Variants in VPS36 observed in about 807,000 individuals in gnomAD.
VPS36 encodes the protein vacuolar protein sorting 36 homolog.
Under a neutral mutation model 63.5 loss-of-function variants are expected in VPS36, and 31 were observed. The ratio of observed to expected loss-of-function variants is 0.49; its 90% CI spans 0.37 to 0.66. The LOEUF is 0.66. VPS36 is among the 30% of genes least tolerant of loss of function. The pLI, the probability that VPS36 is intolerant of heterozygous loss-of-function variation, is 0.00. For synonymous variants in VPS36, 138 were observed against 157.2 expected (o/e 0.88, Z 0.91); for missense variants, 338 against 463.7 (o/e 0.73, Z 2.49).
chr13:52,437,421 T>C (rs1958230183), intron 3 of VPS36, among the ~76,000 whole-genome samples: 1 of 151,948 alleles, frequency 6.6e-6, no homozygotes, highest in African/African-American at 2.4e-5. Context: ...CTATGACAAT[T>C]AAGATAACTA....
At chr13:52,416,577 C>T in intron 12 of VPS36, among the ~76,000 whole-genome samples, 1 of 152,126 alleles carries the variant, frequency 6.6e-6, no homozygotes, top group Non-Finnish European at 1.5e-5. Context: ...GCTATGAAGA[C>T]AGTACTATTT....
intron 2 of VPS36, among the ~76,000 whole-genome samples, 182 bp from the exon 3 acceptor site, chr13:52,439,350 G>A (rs1378179161): frequency 6.6e-6 from 1 of 152,138 alleles, no homozygotes; most frequent in Non-Finnish European, 1.5e-5. Flanking sequence ...GTAATGTGGT[G>A]GCATTTGGCT....
At chr13:52,439,765 A>G (rs1958256003) in intron 2 of VPS36, among the ~76,000 whole-genome samples, 1 of 151,966 alleles carries the variant, frequency 6.6e-6, no homozygotes. Context: ...GCATTTTCTA[A>G]GAGTAATATT....
Position 52,423,595 on chromosome 13 carries a change from T to C in VPS36, c.819A>G (p.Val273=). 1 of 1,612,408 alleles carries C rather than the reference T, an allele frequency of 6.2e-7. No homozygotes were observed. The highest frequency in any genetic ancestry group is 1.1e-5 in the South Asian group (1 of 90,846). ...TTACTTCCATTCCTCGAGCTCGGTT[T>C]ACTAAGCAGTACACCTCCGTGAGTG... The part of the protein sequence containing the change: ...IMSLTEVYCL[V]NRARGMELLS... Residue 273 remains valine (V), a synonymous_variant, in exon 10 of 14, where the codon GTA becomes GTG. Transcript: ENST00000378060.
chr13:52,437,701 C>T (rs1324643000), intron 3 of VPS36, among the ~76,000 whole-genome samples: 3 of 152,030 alleles, frequency 2.0e-5, no homozygotes, highest in South Asian at 2.1e-4. Context: ...GAGGCTGAGG[C>T]GGGTGGATCA....
intron 10 of VPS36, among the ~76,000 whole-genome samples, chr13:52,418,297 C>T (rs1263228869): frequency 6.6e-6 from 1 of 151,708 alleles, no homozygotes; most frequent in Non-Finnish European, 1.5e-5. Context: ...TAAAAAGAGG[C>T]CATGCACAGT....
At position 52,416,110 on chromosome 13, in the gene VPS36, G is replaced by C. The variant is rs1171237548; in HGVS notation, c.991-17C>G. 6.2e-7 allele frequency: 1 copy of C among 1,605,034 alleles called. No individual in the cohort carries two copies. The highest frequency in any genetic ancestry group is 1.1e-5 in the South Asian group (1 of 88,906). On this transcript the variant is annotated splice_polypyrimidine_tract_variant and intron_variant, in intron 12 of 13. Transcript: ENST00000378060. ...TTCTGAAACCTAATAGAAACACACA[G>C]CAGAAAAAAAATGTAATTAATTTAG...
At chr13:52,449,651 G>T (rs1958379105) in intron 1 of VPS36, among the ~76,000 whole-genome samples, 1 of 152,188 alleles carries the variant, frequency 6.6e-6, no homozygotes. Context: ...GTGGGTAAAT[G>T]AGTTTTAAAA....
At chr13:52,441,416 T>G (rs550098816) in intron 2 of VPS36, among the ~76,000 whole-genome samples, 3 of 152,184 alleles carry the variant, frequency 2.0e-5, no homozygotes, top group Non-Finnish European at 4.4e-5. Context: ...AATAAAGATA[T>G]CAGCTCTATA....
At chr13:52,433,055 A>G (rs1958176307) in intron 6 of VPS36, among the ~76,000 whole-genome samples, 1 of 152,210 alleles carries the variant, frequency 6.6e-6, no homozygotes. Context: ...AAAACCAGTG[A>G]TATGTTTAGC....
intron 12 of VPS36, among the ~76,000 whole-genome samples, chr13:52,416,735 T>C (rs1310968384): frequency 6.6e-6 from 1 of 152,194 alleles, no homozygotes; most frequent in Non-Finnish European, 1.5e-5. Flanking sequence ...GAAGACAAAG[T>C]TTAATTGTGT....
intron 1 of VPS36, among the ~76,000 whole-genome samples, chr13:52,446,948 T>C: frequency 6.6e-6 from 1 of 151,036 alleles, no homozygotes; most frequent in Non-Finnish European, 1.5e-5. Flanking sequence ...CGATCTGGGC[T>C]CACAGCAACC....
rs1252495042 is a variant in VPS36, at chr13:52,415,593, G to T, written c.*237C>A. ...CTATATTCCAAGTTAAACTCTGAGG[G>T]TTCTGCACTATAGCATGATTTTAAA... On this transcript the variant is annotated 3_prime_UTR_variant, in exon 14 of 14. Coordinates refer to ENST00000378060, the MANE Select transcript of VPS36 (RefSeq NM_016075.4). 2 of 425,202 alleles carry T rather than the reference G, an allele frequency of 4.7e-6. No homozygotes were observed. The highest frequency in any genetic ancestry group is 8.5e-6 in the Non-Finnish European group (2 of 236,134). 26.3% of individuals were successfully genotyped at this position (425,202 alleles called of 1,614,324 possible).
intron 6 of VPS36, among the ~76,000 whole-genome samples, chr13:52,430,124 A>G (rs1280082676): frequency 6.6e-6 from 1 of 152,230 alleles, no homozygotes; most frequent in Non-Finnish European, 1.5e-5. Flanking sequence ...AATAAAAGAA[A>G]AAAATCATTT....
At chr13:52,425,035 C>T (rs754019001) in intron 9 of VPS36, among the ~76,000 whole-genome samples, 10 of 148,834 alleles carry the variant, frequency 6.7e-5, no homozygotes, top group South Asian at 4.2e-4. Flanking sequence ...CCGAGGCGGG[C>T]GGATCATGAG....
chr13:52,430,845 A>G (rs1473594183), intron 6 of VPS36, among the ~76,000 whole-genome samples: 2 of 152,056 alleles, frequency 1.3e-5, no homozygotes. Flanking sequence ...TTTAAGGGGA[A>G]AAAATAAAAT....
rs901005989 is a variant in VPS36 at position 52,424,849 on chromosome 13, G to A, written c.774+1083C>T. Among the ~76,000 whole-genome samples the A allele has an allele frequency of 2.6e-5, 4 of 152,108 alleles. No homozygotes were observed. The East Asian group carries it at 5.8e-4, about 22-fold the overall frequency. On this transcript the variant is annotated intron_variant, in intron 9 of 13. Transcript: ENST00000378060. ...GAAAATACAAAACAATTAGCTGGGC[G>A]TGGTGGTGGGCGCCTGTAATCCCAG...
chr13:52,439,257 C>T, intron 2 of VPS36, 89 bp from the exon 3 acceptor site: 1 of 974,996 alleles, frequency 1.0e-6, no homozygotes, highest in Non-Finnish European at 1.5e-6. Flanking sequence ...ATTACAGTGC[C>T]ATATGCCTTA....
At chr13:52,449,939 G>A (rs1958383999) in intron 1 of VPS36, 3 of 985,502 alleles carry the variant, frequency 3.0e-6, no homozygotes, top group Non-Finnish European at 3.6e-6. Context: ...ACCTCTTTAG[G>A]AAATCCTTTC....
Sources: gnomAD v4.1 joint callset for allele counts (sites outside exome capture counted in the v4.1 genomes callset) on GRCh38, gnomAD v4.1.1 for gene constraint, MANE v1.5 for transcripts, NCBI Gene and HGNC (gene_info 2026-07-23, HGNC 2026-07-21) for gene names.